The following RANBP2 variants were observed in gnomAD, a reference collection of about 807,000 sequenced individuals.
RANBP2 encodes the protein E3 SUMO-protein ligase RanBP2.
A neutral mutation model predicts 303.6 loss-of-function variants in RANBP2; 57 were observed. That is an observed-to-expected ratio of 0.19 (90% CI 0.15 to 0.23). The LOEUF is 0.23. Among genes scored for constraint, RANBP2 ranks in the 10% least tolerant of loss-of-function variants. The pLI is 1.00. For synonymous variants in RANBP2, 1,167 were observed against 1,301.5 expected (o/e 0.90, Z 2.23); for missense variants, 3,138 against 3,780.8 (o/e 0.83, Z 4.46).
At chr2:108,912,972 G>A in the RANBP2 span, among the ~76,000 whole-genome samples, 4 of 148,196 alleles carry the variant, frequency 2.7e-5, no homozygotes, top group Non-Finnish European at 4.5e-5. Flanking sequence ...TTGGTGAGAC[G>A]GAGTCTTGCT....
At chr2:109,105,106 G>A in the RANBP2 span, among the ~76,000 whole-genome samples, 5 of 152,150 alleles carry the variant, frequency 3.3e-5, no homozygotes, top group African/African-American at 7.2e-5. Context: ...ATAATTGGTC[G>A]CAGCTGGCAC....
At chr2:109,254,764 G>A in the RANBP2 span, among the ~76,000 whole-genome samples, 4 of 152,044 alleles carry the variant, frequency 2.6e-5, no homozygotes, top group South Asian at 2.1e-4. Context: ...TTAGTGGCTC[G>A]GGACAGTGCC....
At chr2:109,075,579 CAAAAAAAAA>C in the RANBP2 span, among the ~76,000 whole-genome samples, 3 of 109,694 alleles carry the variant, frequency 2.7e-5, no homozygotes, top group African/African-American at 1.0e-4. Flanking sequence ...CTTAGACAAA[CAAAAAAAAA>C]AAAAAAAAGG....
the RANBP2 span, among the ~76,000 whole-genome samples, chr2:108,887,614 GTATTT>G: frequency 6.6e-6 from 1 of 151,856 alleles, no homozygotes; most frequent in Non-Finnish European, 1.5e-5. Flanking sequence ...TTATTCCTAG[GTATTT>G]TATTTTATTT....
At chr2:108,812,983 C>T in the RANBP2 span, 200 of 1,445,498 alleles carry the variant, frequency 1.4e-4, 2 homozygotes, top group East Asian at 4.5e-3. Flanking sequence ...GGTACGGTGG[C>T]TCACACCTGT....
At chr2:109,229,134 T>C in the RANBP2 span, among the ~76,000 whole-genome samples, 817 of 152,198 alleles carry the variant, frequency 5.4e-3, 11 homozygotes, top group African/African-American at 0.019. Context: ...CCGCTATCAC[T>C]CAGAAAATTA....
the RANBP2 span, among the ~76,000 whole-genome samples, chr2:109,462,595 G>A: frequency 1.3e-5 from 2 of 152,150 alleles, no homozygotes; most frequent in African/African-American, 4.8e-5. Context: ...GTACCTCTAG[G>A]AATGCATATT....
chr2:109,353,902 C>T, the RANBP2 span, among the ~76,000 whole-genome samples: 39 of 152,270 alleles, frequency 2.6e-4, no homozygotes, highest in African/African-American at 9.4e-4. Context: ...CTGAGGGGCC[C>T]CTGCCTCCCT....
At chr2:108,791,939 ATAGT>A in the RANBP2 span, 1 of 868,222 alleles carries the variant, frequency 1.2e-6, no homozygotes, top group Non-Finnish European at 1.7e-6. Flanking sequence ...AAGCTAGGAG[ATAGT>A]TACTGTGCTT....
the RANBP2 span, among the ~76,000 whole-genome samples, chr2:109,046,854 G>T: frequency 6.6e-6 from 1 of 152,004 alleles, no homozygotes; most frequent in South Asian, 2.1e-4. Context: ...GGACTGCACA[G>T]CTGACAGTGG....
chr2:109,492,561 G>T, the RANBP2 span, among the ~76,000 whole-genome samples: 16 of 152,272 alleles, frequency 1.1e-4, no homozygotes, highest in Non-Finnish European at 2.2e-4. Flanking sequence ...TTCCCCAAGC[G>T]CTACATGTGT....
chr2:108,853,879 ATATAT>A, the RANBP2 span, among the ~76,000 whole-genome samples: 42 of 123,096 alleles, frequency 3.4e-4, no homozygotes, highest in African/African-American at 7.0e-4. Flanking sequence ...ATACTATATA[ATATAT>A]TATATAGTAT....
chr2:108,892,735 T>C, the RANBP2 span, among the ~76,000 whole-genome samples: 2 of 152,176 alleles, frequency 1.3e-5, no homozygotes, highest in South Asian at 2.1e-4. Context: ...ACTGGAAGTC[T>C]CTTATTCACC....
At chr2:109,204,400 A>G in the RANBP2 span, among the ~76,000 whole-genome samples, 12 of 152,252 alleles carry the variant, frequency 7.9e-5, no homozygotes, top group Non-Finnish European at 1.5e-4. Flanking sequence ...ACCAGTTCAC[A>G]TTCAGGTTTT....
chr2:108,822,636 A>G, the RANBP2 span, among the ~76,000 whole-genome samples: 2 of 152,222 alleles, frequency 1.3e-5, no homozygotes, highest in African/African-American at 4.8e-5. Context: ...ACCTCAAACC[A>G]AGGAAGGATA....
chr2:109,202,793 T>C, the RANBP2 span, among the ~76,000 whole-genome samples: 19 of 152,152 alleles, frequency 1.2e-4, no homozygotes, highest in African/African-American at 4.3e-4. Flanking sequence ...TACACACATT[T>C]AAGCAAAGGG....
chr2:109,657,714 G>GTTT, the RANBP2 span, among the ~76,000 whole-genome samples: 1,029 of 82,138 alleles, frequency 0.013, 35 homozygotes, highest in East Asian at 0.014. Flanking sequence ...AATTAGCTGA[G>GTTT]TTTTTTTTTT....
chr2:109,758,803 T>C, the RANBP2 span: 2 of 147,196 alleles, frequency 1.4e-5, no homozygotes, highest in African/African-American at 2.5e-5. Context: ...CAGATCTTCG[T>C]TGATTAGAGG....
the RANBP2 span, among the ~76,000 whole-genome samples, chr2:109,218,244 A>C: frequency 1.3e-5 from 2 of 152,140 alleles, no homozygotes; most frequent in South Asian, 4.1e-4. Flanking sequence ...GGCATGGCAC[A>C]AAAAAAGACA....
Sources: gnomAD v4.1 joint callset for allele counts (sites outside exome capture counted in the v4.1 genomes callset) on GRCh38, gnomAD v4.1.1 for gene constraint, MANE v1.5 for transcripts, NCBI Gene and HGNC (gene_info 2026-07-23, HGNC 2026-07-21) for gene names.